TAOK2: variants seen among roughly 807,000 people sequenced by gnomAD.
TAOK2 encodes the protein serine/threonine-protein kinase TAO2.
TAOK2 carries 42 observed loss-of-function variants against 122.5 expected under a neutral mutation model. That is an observed-to-expected ratio of 0.34 (90% CI 0.27 to 0.44). TAOK2 has a LOEUF of 0.44. Among genes scored for constraint, TAOK2 ranks in the 20% least tolerant of loss-of-function variants. The probability of loss-of-function intolerance (pLI) is 1.00; values close to 1 mark genes in which losing one functional copy is unlikely to be tolerated. For synonymous variants in TAOK2, 704 were observed against 677.6 expected, an observed-to-expected ratio of 1.04 and a Z score of -0.61; for missense variants, 1,264 against 1,644.9, an observed-to-expected ratio of 0.77 and a Z score of 4.01.
rs1567249583 is a variant in TAOK2, at chr16:29,986,924, G to A, written c.2652G>A (p.Glu884=). The A allele has an allele frequency of 1.2e-6, 2 of 1,614,094 alleles. No homozygotes were observed. The highest frequency in any genetic ancestry group is 1.6e-4 in the Middle Eastern group (1 of 6,062). ...AGGATGAGAGTCTTCTGGATGAGGA[G>A]TTTGAGCTTGGCTGGGTCCAGGGCC... The part of the protein sequence containing the change: ...GKEDESLLDE[E]FELGWVQGPA... Residue 884 remains glutamate (E), a synonymous_variant, in exon 16 of 16, where the codon GAG becomes GAA. Transcript: ENST00000308893. This position sits in a 1 kb window ranked among gnomAD's most constrained non-coding sequence, Gnocchi z 4.2.
chr16:29,981,705 T>G lies in TAOK2; in HGVS notation c.700T>G (p.Leu234Val). ...CTTTAACATGAATGCGATGAGTGCC[T>G]TATACCACATTGCACAGAACGAATC... is the stretch of plus-strand genomic sequence containing the variant. ...PLFNMNAMSA[L>V]YHIAQNESPV... The change falls in exon 9 of 16, where the codon TTA becomes GTA. Residue 234 changes from leucine to valine, a missense_variant. By Grantham distance (32) the Leu-to-Val change is conservative. Around this residue, in one of 4 missense-constraint regions of TAOK2, gnomAD observed 254 missense variants for 503.8 expected, o/e 0.50. Transcript: ENST00000308893. 6.2e-7 allele frequency: 1 copy of G among 1,614,166 alleles called. No homozygotes were observed. The highest frequency in any genetic ancestry group is 1.1e-5 in the South Asian group (1 of 91,070).
downstream of TAOK2, chr16:29,989,872 G>A: frequency 2.0e-6 from 3 of 1,525,748 alleles, 1 homozygote; most frequent in South Asian, 3.5e-5. Flanking sequence ...TTAGAGAAAT[G>A]GACGGTGCAG....
Position 29,977,859 on chromosome 16 carries a change from T to C in TAOK2, c.87T>C (p.Ser29=), listed in dbSNP as rs763384286. ...FFKDDPEKLF[S]DLREIGHGSF... is the part of the protein sequence containing the mutation. ...AGGATGACCCAGAAAAGCTCTTCTC[T>C]GACCTCCGGGAAATTGGCCATGGCA... The change falls in exon 2 of 16, where the codon TCT becomes TCC. Residue 29 remains serine (S), a synonymous_variant. Transcript: ENST00000308893. 6.3e-5 allele frequency: 101 copies of C among 1,614,074 alleles called. 1 individual carries two copies. Among genetic ancestry groups the C allele is most frequent in the East Asian group, 3.8e-4 (17 of 44,890 alleles).
rs2069692763 is a variant in TAOK2 at position 29,983,682 on chromosome 16, C to T, written c.1422+18C>T. Reference sequence around the variant, plus strand: ...CCTCCCTGGTGAGTGTAGCCATCCTCACTCAGCCTGCTCGCTGTCTGTTTT... The same window carrying T: ...CCTCCCTGGTGAGTGTAGCCATCCTTACTCAGCCTGCTCGCTGTCTGTTTT... On this transcript the variant is annotated intron_variant, in intron 13 of 15. Coordinates refer to ENST00000308893, the MANE Select transcript of TAOK2 (RefSeq NM_016151.4). 6.3e-7 allele frequency: 1 copy of T among 1,592,170 alleles called. No homozygotes were observed. The highest frequency in any genetic ancestry group is 8.6e-7 in the Non-Finnish European group (1 of 1,166,894).
chr16:29,984,785 T>C (rs1003774544), intron 13 of TAOK2, among the ~76,000 whole-genome samples: 4 of 152,122 alleles, frequency 2.6e-5, no homozygotes, highest in East Asian at 1.9e-4. Context: ...CCAACACTTA[T>C]TAGATAGAGT....
rs2069786030 is a variant in TAOK2 at position 29,986,200 on chromosome 16, G to C, written c.1993-65G>C. On this transcript the variant is annotated intron_variant, in intron 15 of 15. Transcript: ENST00000308893. The surrounding 1 kb of genome is among the most constrained non-coding windows in gnomAD (Gnocchi z 4.2). Reference sequence around the variant, plus strand: ...GCCATCCCCAGCTCCCTCTGCCAAGGAGCCCTGGCCTCTCACTTCCTTGAT... The same window carrying C: ...GCCATCCCCAGCTCCCTCTGCCAAGCAGCCCTGGCCTCTCACTTCCTTGAT... 4 of 1,501,164 alleles carry C rather than the reference G, an allele frequency of 2.7e-6. No individual in the cohort carries two copies. The highest frequency in any genetic ancestry group is 3.5e-6 in the Non-Finnish European group (4 of 1,127,426). 93.0% of individuals were successfully genotyped at this position (1,501,164 alleles called of 1,614,324 possible). A position where few individuals can be genotyped will look rare whatever the true frequency, so the allele number is the denominator to read the frequency against.
chr16:29,978,707 G>A lies in TAOK2; in HGVS notation c.307-92G>A. The A allele has an allele frequency of 6.8e-6, 10 of 1,468,028 alleles. No homozygotes were observed. In the South Asian group the frequency reaches 1.1e-4, roughly 17 times the overall value. The allele number at this position is 1,468,028 out of a possible 1,614,324, so 90.9% of individuals were successfully genotyped here. ...GCGCTTCCTCCCTGTCATCACCCCG[G>A]GGACATAGCTTGAGTACAGGACAGT... On this transcript the variant is annotated intron_variant, in intron 4 of 15. Coordinates refer to ENST00000308893, the MANE Select transcript of TAOK2 (RefSeq NM_016151.4).
rs1252321157 is a variant in TAOK2, at chr16:29,983,290, G to A, written c.1218G>A (p.Glu406=). The stretch of plus-strand genomic sequence containing the variant: ...AGATGGCCATGATGCAGGAGGGGGA[G>A]CACACAGTCACCTCTCACAGCTCCA... ...AREMAMMQEG[E]HTVTSHSSII... is the part of the protein sequence containing the mutation. The change falls in exon 12 of 16, where the codon GAG becomes GAA. Residue 406 remains glutamate, a synonymous_variant. Coordinates refer to ENST00000308893, the MANE Select transcript of TAOK2 (RefSeq NM_016151.4). The A allele has an allele frequency of 1.2e-6, 2 of 1,603,676 alleles. No individual in the cohort carries two copies. Among genetic ancestry groups the A allele is most frequent in the Non-Finnish European group, 8.5e-7 (1 of 1,179,664 alleles).
Position 29,985,184 on chromosome 16 carries a change from C to T in TAOK2, c.1423-29C>T. The T allele has an allele frequency of 6.7e-7, 1 of 1,487,590 alleles. No individual in the cohort carries two copies. 92.1% of individuals were successfully genotyped at this position (1,487,590 alleles called of 1,614,324 possible). ...TAATTAACTAGGGGCCAGGCTGAGC[C>T]CCAGCTCTCACCCTCTCTCCTTCCC... On this transcript the variant is annotated intron_variant, in intron 13 of 15. Coordinates refer to ENST00000308893, the MANE Select transcript of TAOK2 (RefSeq NM_016151.4). This position sits in a 1 kb window ranked among gnomAD's most constrained non-coding sequence, Gnocchi z 6.9.
intron 8 of TAOK2, chr16:29,981,452 A>G (rs1382517368): frequency 6.3e-6 from 4 of 631,994 alleles, no homozygotes; most frequent in East Asian, 2.7e-5. Flanking sequence ...TTTGACCCCT[A>G]TTCCACCCGT....
rs772517477 is a variant in TAOK2, at chr16:29,985,776, G to A, written c.1907G>A (p.Arg636His). 37 of 1,611,168 alleles carry A rather than the reference G, an allele frequency of 2.3e-5. No individual in the cohort carries two copies. The highest frequency in any genetic ancestry group is 8.3e-5 in the Admixed American group (5 of 59,908). ...GAAGCAGGGCTGCTGCGGCGGCAGC[G>A]CCAGTACTTTGAGCTGCAGTGTCGC... ...EEEAGLLRRQ[R>H]QYFELQCRQY... Residue 636 changes from arginine to histidine, a missense_variant, in exon 15 of 16, where the codon CGC becomes CAC. By Grantham distance (29) the Arg-to-His change is conservative. Coordinates refer to ENST00000308893, the MANE Select transcript of TAOK2 (RefSeq NM_016151.4). The surrounding 1 kb of genome is among the most constrained non-coding windows in gnomAD (Gnocchi z 6.9).
rs777742559 is a variant in TAOK2 at position 29,987,504 on chromosome 16, C to T, written c.3232C>T (p.Arg1078Cys). 22 of 1,601,832 alleles carry T rather than the reference C, an allele frequency of 1.4e-5. No homozygotes were observed. The highest frequency in any genetic ancestry group is 1.7e-5 in the Admixed American group (1 of 58,866). ...RWVRQQGPRV[R>C]RGISRLWLRV... is the part of the protein sequence containing the mutation. Reference sequence around the variant, plus strand: ...GGTGCGGCAGCAGGGCCCCCGGGTGCGCCGGGGCATATCTCGACTCTGGTT... The same window carrying T: ...GGTGCGGCAGCAGGGCCCCCGGGTGTGCCGGGGCATATCTCGACTCTGGTT... The change falls in exon 16 of 16, where the codon CGC becomes TGC. Residue 1078 changes from arginine (R) to cysteine (C), a missense_variant. This residue lies in a region of TAOK2 where 824 missense variants were observed against 908.7 expected (regional missense o/e 0.91). Coordinates refer to ENST00000308893, the MANE Select transcript of TAOK2 (RefSeq NM_016151.4).
downstream of TAOK2, chr16:29,989,977 G>A (rs1362496277): frequency 3.1e-6 from 2 of 648,670 alleles, no homozygotes; most frequent in Non-Finnish European, 5.2e-6. Flanking sequence ...ATTCTCCTCA[G>A]TGGTTTTATT....
intron 2 of TAOK2, 26 bp downstream of exon 2, chr16:29,977,930 A>G: frequency 1.2e-6 from 2 of 1,614,076 alleles, no homozygotes; most frequent in Non-Finnish European, 8.5e-7. Context: ...GGAGGGTGTA[A>G]TAGGGATGGG....
At chr16:29,982,436 G>C (rs2069646578) in intron 10 of TAOK2, among the ~76,000 whole-genome samples, 1 of 152,224 alleles carries the variant, frequency 6.6e-6, no homozygotes, top group Non-Finnish European at 1.5e-5. Flanking sequence ...ATGAAGCCCA[G>C]AGGGGCCTCA....
chr16:29,985,125 A>G lies in TAOK2; in HGVS notation c.1423-88A>G. ...TGAGAATGAAACCCATGAGTTGAAAACCCATGCTCTTCCCCACGGAAGACC... is the reference window on the plus strand; with the variant it reads ...TGAGAATGAAACCCATGAGTTGAAAGCCCATGCTCTTCCCCACGGAAGACC... On this transcript the variant is annotated intron_variant, in intron 13 of 15. Coordinates refer to ENST00000308893, the MANE Select transcript of TAOK2 (RefSeq NM_016151.4). The surrounding 1 kb of genome is among the most constrained non-coding windows in gnomAD (Gnocchi z 6.9). 7.1e-7 allele frequency: 1 copy of G among 1,410,306 alleles called. No individual in the cohort carries two copies. Among genetic ancestry groups the G allele is most frequent in the Non-Finnish European group, 9.3e-7 (1 of 1,079,908 alleles). 87.4% of individuals were successfully genotyped at this position (1,410,306 alleles called of 1,614,324 possible). A position where few individuals can be genotyped will look rare whatever the true frequency, so the allele number is the denominator to read the frequency against.
rs148979696 is a variant in TAOK2 at position 29,987,344 on chromosome 16, C to T, written c.3072C>T (p.Thr1024=). Reference sequence around the variant, plus strand: ...TTTTCCTACTCCTGGCCCAGGGTACCGCACTGGGGGCCGTCCTGGGCCTGA... The same window carrying T: ...TTTTCCTACTCCTGGCCCAGGGTACTGCACTGGGGGCCGTCCTGGGCCTGA... ...SSLFLLLAQG[T]ALGAVLGLSW... is the part of the protein sequence containing the mutation. Residue 1024 remains threonine, a synonymous_variant, in exon 16 of 16, where the codon ACC becomes ACT. Transcript: ENST00000308893. 9.6e-6 allele frequency: 15 copies of T among 1,556,892 alleles called. No homozygotes were observed. In the East Asian group the frequency reaches 1.4e-4, roughly 14 times the overall value.
In TAOK2 at chr16:29,985,113, C is replaced by A; in HGVS notation, c.1423-100C>A. The A allele has an allele frequency of 7.2e-7, 1 of 1,379,584 alleles. No homozygotes were observed. Among genetic ancestry groups the A allele is most frequent in the Non-Finnish European group, 9.4e-7 (1 of 1,058,534 alleles). The allele number at this position is 1,379,584 out of a possible 1,614,324, so 85.5% of individuals were successfully genotyped here. On this transcript the variant is annotated intron_variant, in intron 13 of 15. Transcript: ENST00000308893. The surrounding 1 kb of genome is among the most constrained non-coding windows in gnomAD (Gnocchi z 6.9). The stretch of plus-strand genomic sequence containing the variant: ...GAAGGTGTTAAATGAGAATGAAACC[C>A]ATGAGTTGAAAACCCATGCTCTTCC...
downstream of TAOK2, chr16:29,991,911 A>G (rs1442768054): frequency 2.5e-5 from 5 of 199,096 alleles, no homozygotes; most frequent in Middle Eastern, 3.5e-3. This position sits in a 1 kb window ranked among gnomAD's most constrained non-coding sequence, Gnocchi z 5.6. Flanking sequence ...TCAGAGAACT[A>G]TACTACCCTC....
Sources: allele counts gnomAD v4.1 joint callset (sites outside exome capture counted in the v4.1 genomes callset), GRCh38; gene constraint gnomAD v4.1.1; regional missense constraint gnomAD v4.1.1; non-coding constraint Gnocchi (gnomAD v3.1); transcripts MANE v1.5; gene names NCBI Gene and HGNC (gene_info 2026-07-23, HGNC 2026-07-21).